The following CEP135 variants were observed in gnomAD, a reference collection of about 807,000 sequenced individuals.
The protein encoded by CEP135 is centrosomal protein 135.
Under a neutral mutation model 157.3 loss-of-function variants are expected in CEP135, and 142 were observed. The observed-to-expected ratio is 0.90, with a 90% CI of 0.79 to 1.04. CEP135 has a LOEUF of 1.04. Ranked by LOEUF, CEP135 falls within the 50% of genes least tolerant of loss-of-function variation. The pLI, the probability that CEP135 is intolerant of heterozygous loss-of-function variation, is 0.00. For synonymous variants in CEP135, 396 were observed against 439.8 expected (o/e 0.90, Z 1.25); for missense variants, 1,317 against 1,309.2 (o/e 1.01, Z -0.09).
chr4:55,996,391 C>T (rs1729970816), intron 15 of CEP135, among the ~76,000 whole-genome samples: 1 of 152,194 alleles, frequency 6.6e-6, no homozygotes, highest in Non-Finnish European at 1.5e-5. Flanking sequence ...AAAGAAGACT[C>T]ATAAGTTATC....
intron 15 of CEP135, among the ~76,000 whole-genome samples, chr4:55,992,916 G>T (rs187551974): frequency 1.3e-5 from 2 of 152,076 alleles, no homozygotes; most frequent in Non-Finnish European, 2.9e-5. Flanking sequence ...GATAATGAAG[G>T]TCGGAATAAG....
At chr4:56,026,881 C>T (rs1177641991) in intron 25 of CEP135, among the ~76,000 whole-genome samples, 3 of 152,130 alleles carry the variant, frequency 2.0e-5, no homozygotes, top group Non-Finnish European at 4.4e-5. Context: ...AATAGTTATG[C>T]CAGTCTTGTT....
intron 15 of CEP135, among the ~76,000 whole-genome samples, chr4:55,993,032 C>G (rs1411579861): frequency 6.6e-6 from 1 of 152,060 alleles, no homozygotes. Context: ...ATCTGTGAAA[C>G]ATTTAGTCAT....
chr4:56,019,102 T>G (rs1406580151), intron 22 of CEP135, among the ~76,000 whole-genome samples: 1 of 152,174 alleles, frequency 6.6e-6, no homozygotes, highest in East Asian at 1.9e-4. Flanking sequence ...TAAGGTACCA[T>G]GACTAAAAAT....
At chr4:56,026,883 AGTCTT>A in intron 25 of CEP135, among the ~76,000 whole-genome samples, 1 of 152,348 alleles carries the variant, frequency 6.6e-6, no homozygotes, top group Non-Finnish European at 1.5e-5. Context: ...TAGTTATGCC[AGTCTT>A]GTTTAAATTG....
chr4:55,984,068 A>G (rs1729499032), intron 13 of CEP135, among the ~76,000 whole-genome samples: 1 of 152,150 alleles, frequency 6.6e-6, no homozygotes, highest in African/African-American at 2.4e-5. Context: ...TCTTAAATCG[A>G]TATTTCACAC....
chr4:56,027,172 T>C (rs1265839671), intron 25 of CEP135, among the ~76,000 whole-genome samples: 2 of 152,212 alleles, frequency 1.3e-5, no homozygotes, highest in Non-Finnish European at 2.9e-5. Context: ...GTTATTTTCA[T>C]GTGATCAGAT....
chr4:55,994,977 G>A (rs1391615143), intron 15 of CEP135, among the ~76,000 whole-genome samples: 2 of 152,096 alleles, frequency 1.3e-5, no homozygotes, highest in East Asian at 1.9e-4. Context: ...TGAGCCACAC[G>A]CCTGACCTAA....
intron 14 of CEP135, among the ~76,000 whole-genome samples, chr4:55,986,161 A>T (rs894659054): frequency 1.3e-5 from 2 of 152,184 alleles, no homozygotes; most frequent in African/African-American, 4.8e-5. Context: ...GTTAATACAT[A>T]TAAAGAACTT....
intron 25 of CEP135, among the ~76,000 whole-genome samples, chr4:56,026,583 T>C (rs931102094): frequency 3.3e-4 from 50 of 152,220 alleles, no homozygotes; most frequent in African/African-American, 1.2e-3. Context: ...TTACTCCTCC[T>C]TCTGTTCATA....
chr4:56,021,830 A>T (rs545385341), intron 24 of CEP135, among the ~76,000 whole-genome samples: 1 of 152,154 alleles, frequency 6.6e-6, no homozygotes, highest in Non-Finnish European at 1.5e-5. Context: ...GTTTGAAATC[A>T]GCGTGAGCAA....
intron 25 of CEP135, among the ~76,000 whole-genome samples, chr4:56,030,696 C>A (rs1004752703): frequency 6.6e-5 from 10 of 152,124 alleles, no homozygotes; most frequent in Admixed American, 6.6e-5. Context: ...TTCAAGCGAT[C>A]CTCCTGCCTC....
intron 15 of CEP135, among the ~76,000 whole-genome samples, chr4:55,993,315 GGAAAA>G (rs1424396036): frequency 6.6e-6 from 1 of 152,238 alleles, no homozygotes; most frequent in African/African-American, 2.4e-5. Context: ...AAAGGAATTA[GGAAAA>G]GAAAAGTCTG....
intron 8 of CEP135, among the ~76,000 whole-genome samples, chr4:55,967,114 TA>T (rs1028303157): frequency 2.0e-5 from 3 of 151,692 alleles, no homozygotes; most frequent in Non-Finnish European, 2.9e-5. Flanking sequence ...TTTTTTTATT[TA>T]AAAAAAATTC....
At chr4:55,993,723 C>CT (rs1729872123) in intron 15 of CEP135, among the ~76,000 whole-genome samples, 1 of 152,218 alleles carries the variant, frequency 6.6e-6, no homozygotes, top group South Asian at 2.1e-4. Context: ...TGAAACACCT[C>CT]TTTTCCTCAC....
chr4:55,962,820 G>A (rs976716541), intron 6 of CEP135, among the ~76,000 whole-genome samples: 2 of 141,266 alleles, frequency 1.4e-5, no homozygotes, highest in Admixed American at 1.5e-4. Flanking sequence ...CTCGTCTTAT[G>A]TATCTTTTTC....
chr4:56,014,177 T>A (rs2611827), intron 21 of CEP135, among the ~76,000 whole-genome samples: 9,458 of 152,282 alleles, frequency 0.062, 419 homozygotes, highest in African/African-American at 0.11. Context: ...CCACACAATT[T>A]GTGGCAATTT....
intron 14 of CEP135, among the ~76,000 whole-genome samples, chr4:55,991,142 A>AT (rs2109700423): frequency 6.6e-6 from 1 of 152,074 alleles, no homozygotes; most frequent in Admixed American, 6.5e-5. Flanking sequence ...CGCCTAGCTA[A>AT]TTTTTTGTAT....
At chr4:56,023,525 T>G (rs1220590411) in intron 24 of CEP135, among the ~76,000 whole-genome samples, 1 of 150,948 alleles carries the variant, frequency 6.6e-6, no homozygotes, top group African/African-American at 2.4e-5. Flanking sequence ...CTTTTTGAGT[T>G]TAACATCTCG....
Sources: allele counts gnomAD v4.1 joint callset (sites outside exome capture counted in the v4.1 genomes callset), GRCh38; gene constraint gnomAD v4.1.1; transcripts MANE v1.5; gene names NCBI Gene and HGNC (gene_info 2026-07-23, HGNC 2026-07-21).